The following KCNQ1 variants were observed in gnomAD, a reference collection of about 807,000 sequenced individuals.
KCNQ1 encodes the protein potassium voltage-gated channel subfamily KQT member 1.
A neutral mutation model predicts 72.4 loss-of-function variants in KCNQ1; 49 were observed. The ratio of observed to expected loss-of-function variants is 0.68; its 90% CI spans 0.54 to 0.86. The LOEUF is 0.86. Ranked by LOEUF, KCNQ1 falls within the 40% of genes least tolerant of loss-of-function variation. KCNQ1 has a pLI of 0.00. For synonymous variants in KCNQ1, 450 were observed against 412.6 expected, an observed-to-expected ratio of 1.09 and a Z score of -1.10; for missense variants, 790 against 945.1, an observed-to-expected ratio of 0.84 and a Z score of 2.15.
Position 2,471,193 on chromosome 11 carries a change from G to T in KCNQ1, c.386+25709G>T, listed in dbSNP as rs903065306. Reference sequence around the variant, plus strand: ...CTCGGCTGCAATCATCCTGCAGCCAGACTCGGGGACCTAGGACTCTGAACC... The same window carrying T: ...CTCGGCTGCAATCATCCTGCAGCCATACTCGGGGACCTAGGACTCTGAACC... On this transcript the variant is annotated intron_variant, in intron 1 of 15. Transcript: ENST00000155840. This position sits in a 1 kb window ranked among gnomAD's most constrained non-coding sequence, Gnocchi z 4.8. 6.6e-6 allele frequency among the ~76,000 whole-genome samples: 1 copy of T among 152,142 alleles called. No individual in the cohort carries two copies. The highest frequency in any genetic ancestry group is 2.4e-5 in the African/African-American group (1 of 41,424).
intron 11 of KCNQ1, chr11:2,697,095 C>G: frequency 7.5e-6 from 3 of 398,542 alleles, no homozygotes; most frequent in Non-Finnish European, 1.3e-5. Flanking sequence ...TTTGCCTTTT[C>G]TTTCATTCTC....
At chr11:2,680,194 A>G (rs1185162068) in intron 11 of KCNQ1, 1 of 389,804 alleles carries the variant, frequency 2.6e-6, no homozygotes, top group African/African-American at 2.2e-5. Context: ...ACCTGGCCTC[A>G]GCTTGCCTAA....
At position 2,679,034 on chromosome 11, in the gene KCNQ1, A is replaced by G. The variant is rs527865732; in HGVS notation, c.1514+16953A>G. 2.3e-4 allele frequency: 93 copies of G among 398,692 alleles called. No individual in the cohort carries two copies. The highest frequency in any genetic ancestry group is 7.6e-4 in the South Asian group (6 of 7,864). The allele number at this position is 398,692 out of a possible 1,614,324, so 24.7% of individuals were successfully genotyped here. A position where few individuals can be genotyped will look rare whatever the true frequency, so the allele number is the denominator to read the frequency against. ...AAACATAATCTAAAACTTGTAGCCC[A>G]GCCCCTCCTCCATACCAACCACCAA... On this transcript the variant is annotated intron_variant, in intron 11 of 15. Transcript: ENST00000155840. The surrounding 1 kb of genome is among the most constrained non-coding windows in gnomAD (Gnocchi z 4.8).
rs557655992 is a variant in KCNQ1, at chr11:2,494,978, T to C, written c.387-32950T>C. Among the ~76,000 whole-genome samples the C allele has an allele frequency of 6.6e-6, 1 of 152,234 alleles. No homozygotes were observed. Among genetic ancestry groups the C allele is most frequent in the African/African-American group, 2.4e-5 (1 of 41,466 alleles). On this transcript the variant is annotated intron_variant, in intron 1 of 15. Transcript: ENST00000155840. The surrounding 1 kb of genome is among the most constrained non-coding windows in gnomAD (Gnocchi z 4.6). ...TGAATCCGTCTGGTCCTGGGCTTTT[T>C]TTGGTTGGCAGGCTATTAATTACTG...
At chr11:2,846,093 A>C (rs912142665) in intron 15 of KCNQ1, among the ~76,000 whole-genome samples, 5 of 151,760 alleles carry the variant, frequency 3.3e-5, no homozygotes, top group Admixed American at 1.3e-4. Flanking sequence ...CCTGGCCCAC[A>C]CCTCACCCCA....
At position 2,654,372 on chromosome 11, in the gene KCNQ1, A is replaced by T; in HGVS notation, c.1394-7589A>T. On this transcript the variant is annotated intron_variant, in intron 10 of 15. Coordinates refer to ENST00000155840, the MANE Select transcript of KCNQ1 (RefSeq NM_000218.3). The surrounding 1 kb of genome is among the most constrained non-coding windows in gnomAD (Gnocchi z 6.4). ...GGGAGAGCTTCTGTTCATCCTTGTG[A>T]AGTAGGCTGGCTCAGGGAACTCGCC... 1 of 398,488 alleles carries T rather than the reference A, an allele frequency of 2.5e-6. No homozygotes were observed. The highest frequency in any genetic ancestry group is 4.4e-6 in the Non-Finnish European group (1 of 226,070). The allele number at this position is 398,488 out of a possible 1,614,324, so 24.7% of individuals were successfully genotyped here.
chr11:2,708,721 G>A (rs1048693382), intron 11 of KCNQ1, among the ~76,000 whole-genome samples: 2 of 152,120 alleles, frequency 1.3e-5, no homozygotes, highest in African/African-American at 4.8e-5. Context: ...GGTTGCGGGG[G>A]GCGGTCCATT....
chr11:2,666,835 C>T (rs1160784963), intron 11 of KCNQ1: 13 of 398,584 alleles, frequency 3.3e-5, no homozygotes, highest in Non-Finnish European at 5.7e-5. Context: ...ATTCTGGGAA[C>T]CAGTGTCCAG....
intron 11 of KCNQ1, among the ~76,000 whole-genome samples, chr11:2,716,091 G>A (rs948558338): frequency 5.3e-5 from 8 of 152,322 alleles, no homozygotes; most frequent in South Asian, 2.1e-4. Context: ...CGCCGGGGTC[G>A]GAGCCCCTAT....
At chr11:2,716,604 T>C (rs894605980) in intron 11 of KCNQ1, among the ~76,000 whole-genome samples, 1 of 152,200 alleles carries the variant, frequency 6.6e-6, no homozygotes, top group Non-Finnish European at 1.5e-5. Flanking sequence ...CAGGGCCTGG[T>C]GGAATTCCAT....
chr11:2,544,425 T>G lies in KCNQ1; in HGVS notation c.477+16407T>G, dbSNP rs1332780827. Reference sequence around the variant, plus strand: ...ATGTGTGTGTATATATATATATGGTTACATACCTAATATGTATATGGTTAT... The same window carrying G: ...ATGTGTGTGTATATATATATATGGTGACATACCTAATATGTATATGGTTAT... On this transcript the variant is annotated intron_variant, in intron 2 of 15. Coordinates refer to ENST00000155840, the MANE Select transcript of KCNQ1 (RefSeq NM_000218.3). This position sits in a 1 kb window ranked among gnomAD's most constrained non-coding sequence, Gnocchi z 4.4. Among the ~76,000 whole-genome samples the G allele has an allele frequency of 6.6e-6, 1 of 151,070 alleles. No individual in the cohort carries two copies. Among genetic ancestry groups the G allele is most frequent in the Non-Finnish European group, 1.5e-5 (1 of 67,804 alleles).
chr11:2,573,726 G>A (rs959575444), intron 6 of KCNQ1, among the ~76,000 whole-genome samples: 1 of 152,216 alleles, frequency 6.6e-6, no homozygotes, highest in Admixed American at 6.5e-5. Context: ...CTGGAACACC[G>A]AGCCACCCAA....
rs1243524675 is a variant in KCNQ1 at position 2,613,228 on chromosome 11, A to G, written c.1393+24374A>G. On this transcript the variant is annotated intron_variant, in intron 10 of 15. Coordinates refer to ENST00000155840, the MANE Select transcript of KCNQ1 (RefSeq NM_000218.3). The surrounding 1 kb of genome is among the most constrained non-coding windows in gnomAD (Gnocchi z 4.8). Reference sequence around the variant, plus strand: ...TTACTGTCTGCTTGCAAAAGGTCTCACAGTCAGCCAAGGATAAGTAGATAG... The same window carrying G: ...TTACTGTCTGCTTGCAAAAGGTCTCGCAGTCAGCCAAGGATAAGTAGATAG... 5.3e-5 allele frequency: 21 copies of G among 398,404 alleles called. No homozygotes were observed. The highest frequency in any genetic ancestry group is 8.4e-5 in the Non-Finnish European group (19 of 226,070). The allele number at this position is 398,404 out of a possible 1,614,324, so 24.7% of individuals were successfully genotyped here. A position where few individuals can be genotyped will look rare whatever the true frequency, so the allele number is the denominator to read the frequency against.
chr11:2,776,867 G>T, intron 13 of KCNQ1, 119 bp from the exon 14 acceptor site: 2 of 993,120 alleles, frequency 2.0e-6, no homozygotes, highest in South Asian at 2.7e-5. Context: ...GGTGTCCCCA[G>T]AGTGGGTGGA....
rs1433329933 is a variant in KCNQ1, at chr11:2,827,198, T to A, written c.1795-20569T>A. 6.6e-6 allele frequency among the ~76,000 whole-genome samples: 1 copy of A among 152,146 alleles called. No homozygotes were observed. Among genetic ancestry groups the A allele is most frequent in the Non-Finnish European group, 1.5e-5 (1 of 68,002 alleles). Reference sequence around the variant, plus strand: ...GGCAGGTGGGAGAAGGGGAGGTTCTTGGTTCAGCTGCTGCTGAGACAGTGA... The same window carrying A: ...GGCAGGTGGGAGAAGGGGAGGTTCTAGGTTCAGCTGCTGCTGAGACAGTGA... On this transcript the variant is annotated intron_variant, in intron 15 of 15. Transcript: ENST00000155840. This position sits in a 1 kb window ranked among gnomAD's most constrained non-coding sequence, Gnocchi z 6.7.
At chr11:2,500,680 A>G (rs1846995249) in intron 1 of KCNQ1, among the ~76,000 whole-genome samples, 1 of 152,260 alleles carries the variant, frequency 6.6e-6, no homozygotes, top group Non-Finnish European at 1.5e-5. Flanking sequence ...TACACTGTGA[A>G]GTACTATGCA....
Position 2,651,880 on chromosome 11 carries a change from AG to A in KCNQ1, c.1394-10076del. On this transcript the variant is annotated intron_variant, in intron 10 of 15. Coordinates refer to ENST00000155840, the MANE Select transcript of KCNQ1 (RefSeq NM_000218.3). The surrounding 1 kb of genome is among the most constrained non-coding windows in gnomAD (Gnocchi z 6.1). ...TTTTCTTGAAGTAGTGTTCAGGCTGAGGGGGTCATAGCCGAGGGTCCCTCTG... is the reference window on the plus strand; with the variant it reads ...TTTTCTTGAAGTAGTGTTCAGGCTGAGGGGTCATAGCCGAGGGTCCCTCTG... The A allele has an allele frequency of 2.5e-6, 1 of 398,706 alleles. No individual in the cohort carries two copies. Among genetic ancestry groups the A allele is most frequent in the East Asian group, 3.6e-5 (1 of 28,072 alleles). 24.7% of individuals were successfully genotyped at this position (398,706 alleles called of 1,614,324 possible). A position where few individuals can be genotyped will look rare whatever the true frequency, so the allele number is the denominator to read the frequency against.
Position 2,508,019 on chromosome 11 carries a change from C to T in KCNQ1, c.387-19909C>T, listed in dbSNP as rs2133656541. 6.6e-6 allele frequency among the ~76,000 whole-genome samples: 1 copy of T among 152,166 alleles called. No homozygotes were observed. The highest frequency in any genetic ancestry group is 2.0e-4 in the East Asian group (1 of 5,124). Reference sequence around the variant, plus strand: ...GAGTCTGGGTCCTGGTGGGTCCCAGCCCCGTACATGGAGGCTGGGACCCTG... The same window carrying T: ...GAGTCTGGGTCCTGGTGGGTCCCAGTCCCGTACATGGAGGCTGGGACCCTG... On this transcript the variant is annotated intron_variant, in intron 1 of 15. Coordinates refer to ENST00000155840, the MANE Select transcript of KCNQ1 (RefSeq NM_000218.3). This position sits in a 1 kb window ranked among gnomAD's most constrained non-coding sequence, Gnocchi z 6.2.
rs569421247 is a variant in KCNQ1, at chr11:2,612,529, C to T, written c.1393+23675C>T. The T allele has an allele frequency of 7.0e-5, 28 of 398,544 alleles. No homozygotes were observed. Among genetic ancestry groups the T allele is most frequent in the African/African-American group, 1.0e-4 (5 of 48,742 alleles). 24.7% of individuals were successfully genotyped at this position (398,544 alleles called of 1,614,324 possible). A position where few individuals can be genotyped will look rare whatever the true frequency, so the allele number is the denominator to read the frequency against. ...TTCTGCCAGGTCAAATTTGCTTAGC[C>T]GCACTAGTGAGTTTTTCACCTAAGT... On this transcript the variant is annotated intron_variant, in intron 10 of 15. Coordinates refer to ENST00000155840, the MANE Select transcript of KCNQ1 (RefSeq NM_000218.3). The surrounding 1 kb of genome is among the most constrained non-coding windows in gnomAD (Gnocchi z 5.5).
Sources: gnomAD v4.1 joint callset for allele counts (sites outside exome capture counted in the v4.1 genomes callset) on GRCh38, gnomAD v4.1.1 for gene constraint, Gnocchi (gnomAD v3.1) non-coding constraint, MANE v1.5 for transcripts, NCBI Gene and HGNC (gene_info 2026-07-23, HGNC 2026-07-21) for gene names.